Variants in CNTLN observed in about 807,000 individuals in gnomAD.
CNTLN encodes centlein, centrosomal protein.
Under a neutral mutation model 180.0 loss-of-function variants are expected in CNTLN, and 212 were observed. The ratio of observed to expected loss-of-function variants is 1.18; its 90% CI spans 1.05 to 1.32. The LOEUF (loss-of-function observed/expected upper bound fraction) is 1.32. CNTLN is among the 40% of genes most tolerant of loss of function. The pLI is 0.00. For synonymous variants in CNTLN, 722 were observed against 563.1 expected, an observed-to-expected ratio of 1.28 and a Z score of -3.99; for missense variants, 2,095 against 1,610.9, an observed-to-expected ratio of 1.30 and a Z score of -5.14.
At chr9:17,223,042 G>A (rs1373148802) in intron 2 of CNTLN, among the ~76,000 whole-genome samples, 1 of 152,024 alleles carries the variant, frequency 6.6e-6, no homozygotes, top group Non-Finnish European at 1.5e-5. Flanking sequence ...ACCATGGATA[G>A]CACTGAACCC....
chr9:17,376,343 GAAA>G (rs1396281735), intron 13 of CNTLN, among the ~76,000 whole-genome samples: 3 of 150,972 alleles, frequency 2.0e-5, no homozygotes, highest in East Asian at 1.9e-4. Context: ...CAGTAAGAAA[GAAA>G]AAAGAAGAAA....
chr9:17,278,244 G>C (rs1469848596), intron 6 of CNTLN, among the ~76,000 whole-genome samples: 4 of 151,808 alleles, frequency 2.6e-5, no homozygotes, highest in Non-Finnish European at 5.9e-5. Context: ...AGGCTAAGCA[G>C]AGTAGAGATG....
At chr9:17,476,450 T>A (rs1048614751) in intron 23 of CNTLN, among the ~76,000 whole-genome samples, 4 of 152,104 alleles carry the variant, frequency 2.6e-5, no homozygotes, top group African/African-American at 9.7e-5. Context: ...GAGGAAGGCA[T>A]GTCAAAAGCT....
At chr9:17,494,699 T>C (rs1468117001) in intron 25 of CNTLN, among the ~76,000 whole-genome samples, 1 of 152,124 alleles carries the variant, frequency 6.6e-6, no homozygotes, top group East Asian at 1.9e-4. Context: ...AGTGACACTG[T>C]AACCATCCTA....
chr9:17,363,470 A>G (rs891701870), intron 12 of CNTLN, among the ~76,000 whole-genome samples: 2 of 151,406 alleles, frequency 1.3e-5, no homozygotes, highest in African/African-American at 4.8e-5. Flanking sequence ...CCTTTTTAAA[A>G]ATGACTTTCT....
intron 2 of CNTLN, among the ~76,000 whole-genome samples, chr9:17,188,946 A>T (rs1336698383): frequency 6.6e-6 from 1 of 151,286 alleles, no homozygotes; most frequent in East Asian, 1.9e-4. Flanking sequence ...TTGGTTTGAT[A>T]CTTGACATTA....
intron 14 of CNTLN, among the ~76,000 whole-genome samples, chr9:17,393,658 A>C (rs920229616): frequency 2.0e-5 from 3 of 152,184 alleles, no homozygotes; most frequent in Admixed American, 2.0e-4. Context: ...AGAAGAGATC[A>C]TGTTGATCAT....
intron 2 of CNTLN, among the ~76,000 whole-genome samples, chr9:17,220,470 TAGGTAAACTTTAA>T (rs1439066140): frequency 6.6e-6 from 1 of 152,082 alleles, no homozygotes; most frequent in Admixed American, 6.6e-5. Context: ...AAATGTTTTT[TAGGTAAACTTTAA>T]AGGTAAACTT....
intron 13 of CNTLN, among the ~76,000 whole-genome samples, chr9:17,374,796 G>A (rs899322287): frequency 3.3e-5 from 5 of 151,706 alleles, no homozygotes; most frequent in Non-Finnish European, 7.4e-5. Context: ...GGAGTTGGAG[G>A]TTTCAGTGAG....
chr9:17,157,743 G>C (rs1451586645), intron 2 of CNTLN, among the ~76,000 whole-genome samples: 1 of 152,184 alleles, frequency 6.6e-6, no homozygotes, highest in Non-Finnish European at 1.5e-5. Context: ...TGCCAGACAT[G>C]TATGTCATAT....
At chr9:17,359,533 G>T (rs1284566516) in intron 12 of CNTLN, among the ~76,000 whole-genome samples, 1 of 151,116 alleles carries the variant, frequency 6.6e-6, no homozygotes, top group African/African-American at 2.4e-5. Flanking sequence ...AATAAGAAAA[G>T]GACAGTCAAC....
intron 2 of CNTLN, among the ~76,000 whole-genome samples, chr9:17,193,159 G>T (rs1166562546): frequency 6.6e-6 from 1 of 152,114 alleles, no homozygotes; most frequent in Non-Finnish European, 1.5e-5. Context: ...AATTCAAGAT[G>T]AGATTTGGGT....
chr9:17,403,189 A>G (rs985997983), intron 15 of CNTLN, among the ~76,000 whole-genome samples: 2 of 151,776 alleles, frequency 1.3e-5, no homozygotes, highest in African/African-American at 4.9e-5. Context: ...CACAAAGCCC[A>G]TTCTGTGAAC....
intron 12 of CNTLN, among the ~76,000 whole-genome samples, chr9:17,356,864 C>T (rs1822890021): frequency 6.6e-6 from 1 of 151,974 alleles, no homozygotes; most frequent in South Asian, 2.1e-4. Context: ...TCCCCTTATT[C>T]TTTCCACTTT....
chr9:17,297,923 G>A (rs1587560459), intron 6 of CNTLN, among the ~76,000 whole-genome samples: 1 of 152,092 alleles, frequency 6.6e-6, no homozygotes, highest in Non-Finnish European at 1.5e-5. Context: ...GTTGTACTAT[G>A]TATATCCATG....
At chr9:17,495,143 G>A (rs1833385158) in intron 25 of CNTLN, 6 of 340,182 alleles carry the variant, frequency 1.8e-5, no homozygotes, top group South Asian at 1.4e-4. Context: ...GCCTCTCAAA[G>A]TGCTGGGATT....
intron 2 of CNTLN, among the ~76,000 whole-genome samples, chr9:17,203,595 C>T (rs897767806): frequency 8.6e-5 from 13 of 151,996 alleles, no homozygotes; most frequent in African/African-American, 1.2e-4. Context: ...CTCACTCTGT[C>T]GCCAAGGCTG....
chr9:17,441,177 C>T (rs1830087368), intron 18 of CNTLN, among the ~76,000 whole-genome samples: 1 of 152,144 alleles, frequency 6.6e-6, no homozygotes, highest in Non-Finnish European at 1.5e-5. Context: ...AGAGGGACTT[C>T]ATCACCACTA....
intron 12 of CNTLN, among the ~76,000 whole-genome samples, chr9:17,347,686 A>AG (rs144557073): frequency 1.1e-4 from 16 of 150,466 alleles, no homozygotes; most frequent in African/African-American, 3.2e-4. Context: ...AAAAAAAAAA[A>AG]AGAAAAAGGA....
Sources: gnomAD v4.1 joint callset for allele counts (sites outside exome capture counted in the v4.1 genomes callset) on GRCh38, gnomAD v4.1.1 for gene constraint, MANE v1.5 for transcripts, NCBI Gene and HGNC (gene_info 2026-07-23, HGNC 2026-07-21) for gene names.